RSPO2: variants seen among roughly 807,000 people sequenced by gnomAD.
RSPO2 encodes the protein R-spondin-2.
Under a neutral mutation model 30.9 loss-of-function variants are expected in RSPO2, and 14 were observed. That is an observed-to-expected ratio of 0.45 (90% CI 0.30 to 0.71). The LOEUF is 0.71. Ranked by LOEUF, RSPO2 falls within the 30% of genes least tolerant of loss-of-function variation. The pLI, the probability that RSPO2 is intolerant of heterozygous loss-of-function variation, is 0.08. For missense variants in RSPO2, 264 were observed against 301.9 expected (o/e 0.87, Z 0.93); for synonymous variants, 107 against 96.4 (o/e 1.11, Z -0.64).
intron 2 of RSPO2, among the ~76,000 whole-genome samples, chr8:108,025,549 A>G (rs1208067616): frequency 6.6e-6 from 1 of 152,182 alleles, no homozygotes; most frequent in Non-Finnish European, 1.5e-5. Flanking sequence ...TCTTTGAGAT[A>G]TATCTCATTC....
chr8:108,069,809 C>T (rs140264405), intron 2 of RSPO2, among the ~76,000 whole-genome samples: 163 of 152,270 alleles, frequency 1.1e-3, no homozygotes, highest in South Asian at 6.8e-3. Flanking sequence ...ATGTAACTCA[C>T]GAAAGTAACT....
rs61734746 is a variant in RSPO2 at position 107,983,491 on chromosome 8, T to G, written c.283+5565A>C. 11,918 of 1,598,226 alleles carry G rather than the reference T, an allele frequency of 7.5e-3. 384 individuals carry two copies. The highest frequency in any genetic ancestry group is 0.068 in the South Asian group (6,153 of 90,302). On this transcript the variant is annotated intron_variant, in intron 3 of 5. Coordinates refer to ENST00000276659, the MANE Select transcript of RSPO2 (RefSeq NM_178565.5). ...GAAGTACAGCCCTTCCACAGAGAAA[T>G]GTCTGCCTGAGATTCAGGGGATCTT...
intron 2 of RSPO2, among the ~76,000 whole-genome samples, chr8:108,026,118 T>G (rs568953169): frequency 6.6e-6 from 1 of 152,326 alleles, no homozygotes; most frequent in South Asian, 2.1e-4. Context: ...AATAGCATGT[T>G]TGTTGTATCC....
intron 2 of RSPO2, among the ~76,000 whole-genome samples, chr8:108,038,882 T>C (rs1259353408): frequency 6.6e-6 from 1 of 152,122 alleles, no homozygotes; most frequent in African/African-American, 2.4e-5. Context: ...AAACCAAAAA[T>C]TTGTGTGACT....
chr8:108,028,466 T>G (rs931274411), intron 2 of RSPO2, among the ~76,000 whole-genome samples: 6 of 152,150 alleles, frequency 3.9e-5, no homozygotes, highest in Non-Finnish European at 8.8e-5. Flanking sequence ...GATCTTTCCT[T>G]AATGGGGAGT....
In RSPO2 at chr8:107,989,142, T is replaced by C. The variant is rs1814758410; in HGVS notation, c.197A>G (p.Glu66Gly). The change falls in exon 3 of 6, where the codon GAA becomes GGA. Residue 66 changes from glutamate (E) to glycine (G), a missense_variant. Physicochemically the swap from Glu to Gly is moderately conservative, Grantham distance 98 (BLOSUM62 -2). Transcript: ENST00000276659. ...QQKLFFFLRR[E>G]GMRQYGECLH... ...GCACTCTCCATACTGGCGCATCCCT[T>C]CTCTTCGAAGGAAGAAGAACAACTT... 4.3e-6 allele frequency: 7 copies of C among 1,612,446 alleles called. No homozygotes were observed. The highest frequency in any genetic ancestry group is 5.9e-6 in the Non-Finnish European group (7 of 1,179,614).
intron 3 of RSPO2, among the ~76,000 whole-genome samples, chr8:107,985,804 G>A (rs189997650): frequency 6.6e-6 from 1 of 152,266 alleles, no homozygotes; most frequent in African/African-American, 2.4e-5. Context: ...GTGTCTGTTA[G>A]TACATGTATC....
chr8:107,913,391 AC>A (rs1236483944), intron 5 of RSPO2, among the ~76,000 whole-genome samples: 1 of 152,194 alleles, frequency 6.6e-6, no homozygotes, highest in African/African-American at 2.4e-5. Context: ...TTGGTTTGAT[AC>A]AAGACGAGGA....
At chr8:108,020,165 A>C (rs1184628169) in intron 2 of RSPO2, among the ~76,000 whole-genome samples, 5 of 151,870 alleles carry the variant, frequency 3.3e-5, no homozygotes, top group Non-Finnish European at 4.4e-5. Context: ...GGGAACAAAA[A>C]CTTTTTGTCC....
intron 2 of RSPO2, among the ~76,000 whole-genome samples, chr8:108,044,574 G>T (rs911248635): frequency 2.6e-5 from 4 of 152,028 alleles, no homozygotes; most frequent in African/African-American, 9.7e-5. Flanking sequence ...AGTATTACCT[G>T]GTATATATGT....
chr8:107,948,566 A>G (rs918366967), intron 5 of RSPO2, among the ~76,000 whole-genome samples: 1 of 152,210 alleles, frequency 6.6e-6, no homozygotes, highest in African/African-American at 2.4e-5. Context: ...GATAATCACC[A>G]GAAATAACTC....
chr8:108,020,371 A>G (rs966087155), intron 2 of RSPO2, among the ~76,000 whole-genome samples: 3 of 152,106 alleles, frequency 2.0e-5, no homozygotes, highest in African/African-American at 7.2e-5. Flanking sequence ...TCCACTATAC[A>G]ATCACCAGGA....
chr8:107,986,106 T>C (rs964938190), intron 3 of RSPO2, among the ~76,000 whole-genome samples: 11 of 152,210 alleles, frequency 7.2e-5, no homozygotes, highest in Non-Finnish European at 1.3e-4. Flanking sequence ...GTGGATATCA[T>C]TTCAAATTCT....
intron 3 of RSPO2, among the ~76,000 whole-genome samples, chr8:107,970,028 C>T (rs1006410118): frequency 2.0e-5 from 3 of 152,148 alleles, no homozygotes; most frequent in South Asian, 4.1e-4. Flanking sequence ...CAACCCCCAT[C>T]CAAGGAAAAC....
chr8:108,063,849 G>C (rs1019737401), intron 2 of RSPO2, among the ~76,000 whole-genome samples: 2 of 152,254 alleles, frequency 1.3e-5, no homozygotes, highest in African/African-American at 4.8e-5. Context: ...CAATGGAACA[G>C]AACAGAGCCC....
intron 3 of RSPO2, among the ~76,000 whole-genome samples, chr8:107,972,809 TAAGCTTACA>T (rs1306529923): frequency 1.3e-5 from 2 of 152,216 alleles, no homozygotes; most frequent in Non-Finnish European, 2.9e-5. Flanking sequence ...ATCATTTGTC[TAAGCTTACA>T]AAGCTAGTTA....
intron 3 of RSPO2, among the ~76,000 whole-genome samples, chr8:107,965,302 G>A (rs1358583754): frequency 6.6e-6 from 1 of 152,146 alleles, no homozygotes; most frequent in Non-Finnish European, 1.5e-5. Context: ...GTCTGATGGG[G>A]CTGTCATTTG....
At chr8:107,962,788 GA>G (rs998604305) in intron 3 of RSPO2, among the ~76,000 whole-genome samples, 22 of 144,550 alleles carry the variant, frequency 1.5e-4, no homozygotes, top group South Asian at 4.4e-4. Context: ...GGGTGAAGAT[GA>G]AAAAAAAAAG....
chr8:107,908,506 G>A (rs1228022490), intron 5 of RSPO2, among the ~76,000 whole-genome samples: 1 of 152,126 alleles, frequency 6.6e-6, no homozygotes, highest in Non-Finnish European at 1.5e-5. Flanking sequence ...AAAAATAAAT[G>A]CACAATTCTA....
Sources: gnomAD v4.1 joint callset for allele counts (sites outside exome capture counted in the v4.1 genomes callset) on GRCh38, gnomAD v4.1.1 for gene constraint, MANE v1.5 for transcripts, NCBI Gene and HGNC (gene_info 2026-07-23, HGNC 2026-07-21) for gene names.